The following ELAPOR2 variants were observed in gnomAD, a reference collection of about 807,000 sequenced individuals.
ELAPOR2 encodes the protein endosome/lysosome-associated apoptosis and autophagy regulator family member 2.
A neutral mutation model predicts 120.7 loss-of-function variants in ELAPOR2; 89 were observed. The observed-to-expected ratio is 0.74, with a 90% CI of 0.62 to 0.88. The LOEUF is 0.88. Among genes scored for constraint, ELAPOR2 ranks in the 40% least tolerant of loss-of-function variants. ELAPOR2 has a pLI of 0.00. For missense variants in ELAPOR2, 1,134 were observed against 1,251.6 expected (o/e 0.91, Z 1.42); for synonymous variants, 444 against 444.9 (o/e 1.00, Z 0.03).
At chr7:87,048,226 G>C (rs973124256) in intron 1 of ELAPOR2, among the ~76,000 whole-genome samples, 31 of 150,462 alleles carry the variant, frequency 2.1e-4, no homozygotes, top group Non-Finnish European at 3.7e-4. Context: ...CCTGGCGACA[G>C]AGTGAGACTT....
intron 12 of ELAPOR2, among the ~76,000 whole-genome samples, chr7:86,915,072 G>A (rs1188188569): frequency 6.6e-6 from 1 of 152,032 alleles, no homozygotes; most frequent in Non-Finnish European, 1.5e-5. Context: ...CAACCACATT[G>A]TTCATATAAC....
At chr7:86,951,807 A>G (rs1791259678) in intron 2 of ELAPOR2, among the ~76,000 whole-genome samples, 1 of 152,234 alleles carries the variant, frequency 6.6e-6, no homozygotes, top group Non-Finnish European at 1.5e-5. Flanking sequence ...CATCTGATTT[A>G]GTATATGTTG....
intron 2 of ELAPOR2, among the ~76,000 whole-genome samples, chr7:86,956,929 A>T (rs916174614): frequency 3.9e-5 from 6 of 152,104 alleles, no homozygotes; most frequent in Non-Finnish European, 7.4e-5. Flanking sequence ...TATCATCCTA[A>T]ACTTTTCCTC....
Position 86,891,572 on chromosome 7 carries a change from A to G in ELAPOR2, c.3030+152T>C, listed in dbSNP as rs1788160953. 3 of 583,942 alleles carry G rather than the reference A, an allele frequency of 5.1e-6. No homozygotes were observed. In the South Asian group the frequency reaches 8.1e-5, roughly 16 times the overall value. 36.2% of individuals were successfully genotyped at this position (583,942 alleles called of 1,614,324 possible). On this transcript the variant is annotated intron_variant, in intron 21 of 21. Coordinates refer to ENST00000450689, the MANE Select transcript of ELAPOR2 (RefSeq NM_001142749.3). Reference sequence around the variant, plus strand: ...TGCTGCAGTGAATATTATTGTATCTATATCATGTGCTTCTAAGAGTATTTC... The same window carrying G: ...TGCTGCAGTGAATATTATTGTATCTGTATCATGTGCTTCTAAGAGTATTTC...
At chr7:86,946,811 C>T (rs1791028221) in intron 3 of ELAPOR2, among the ~76,000 whole-genome samples, 1 of 152,180 alleles carries the variant, frequency 6.6e-6, no homozygotes, top group South Asian at 2.1e-4. Context: ...TCAGTATCTC[C>T]TGCCCACCAA....
At chr7:86,960,394 G>A (rs1791656559) in intron 2 of ELAPOR2, among the ~76,000 whole-genome samples, 1 of 152,106 alleles carries the variant, frequency 6.6e-6, no homozygotes, top group African/African-American at 2.4e-5. Context: ...GGGACTACAG[G>A]TGCACGCCAC....
At chr7:86,940,309 C>T (rs190209810) in intron 5 of ELAPOR2, among the ~76,000 whole-genome samples, 194 bp from the exon 6 acceptor site, 94 of 152,132 alleles carry the variant, frequency 6.2e-4, no homozygotes, top group Middle Eastern at 3.4e-3. Context: ...ATGGAGTTTG[C>T]TAATCCACAA....
chr7:86,911,523 G>C (rs947483405), intron 15 of ELAPOR2: 21 of 424,358 alleles, frequency 4.9e-5, no homozygotes, highest in Non-Finnish European at 9.3e-5. Context: ...TAAAATATTG[G>C]GCATCATGGT....
chr7:86,892,918 T>G lies in ELAPOR2; in HGVS notation c.2864+4A>C. Reference sequence around the variant, plus strand: ...CTCTTGTGATCATCTCAGAGGGTACTTACTTTTGATTCTTTTTCCAGAAGT... The same window carrying G: ...CTCTTGTGATCATCTCAGAGGGTACGTACTTTTGATTCTTTTTCCAGAAGT... On this transcript the variant is annotated splice_donor_region_variant and intron_variant, in intron 20 of 21. Coordinates refer to ENST00000450689, the MANE Select transcript of ELAPOR2 (RefSeq NM_001142749.3). The G allele has an allele frequency of 6.5e-7, 1 of 1,531,004 alleles. No homozygotes were observed. The highest frequency in any genetic ancestry group is 8.7e-7 in the Non-Finnish European group (1 of 1,150,754). The allele number at this position is 1,531,004 out of a possible 1,614,324, so 94.8% of individuals were successfully genotyped here.
chr7:87,038,242 T>C (rs1794649495), intron 1 of ELAPOR2, among the ~76,000 whole-genome samples: 1 of 152,244 alleles, frequency 6.6e-6, no homozygotes. Context: ...AGGTATTATG[T>C]ACCAAACATT....
At chr7:86,982,014 A>G (rs1792515838) in intron 1 of ELAPOR2, among the ~76,000 whole-genome samples, 1 of 152,256 alleles carries the variant, frequency 6.6e-6, no homozygotes, top group South Asian at 2.1e-4. Context: ...TATATCCCGC[A>G]TCTGGCTCGG....
chr7:86,885,372 T>C lies in ELAPOR2; in HGVS notation c.3031-4842A>G, dbSNP rs551491320. Among the ~76,000 whole-genome samples, 284 of 152,194 alleles carry C rather than the reference T, an allele frequency of 1.9e-3. 1 individual carries two copies. Among genetic ancestry groups the C allele is most frequent in the Middle Eastern group, 6.8e-3 (2 of 294 alleles). ...TTGCTGTTCAACATAGGCCTTTGGG[T>C]AGACCAAAAACATTGAAAGCATTGG... On this transcript the variant is annotated intron_variant, in intron 21 of 21. Coordinates refer to ENST00000450689, the MANE Select transcript of ELAPOR2 (RefSeq NM_001142749.3).
intron 1 of ELAPOR2, chr7:86,965,945 G>A (rs1355796278): frequency 6.1e-6 from 6 of 985,256 alleles, no homozygotes; most frequent in Non-Finnish European, 7.2e-6. Context: ...GAATGAGAAG[G>A]CCATTGTCTT....
chr7:87,047,130 T>C (rs569585250), intron 1 of ELAPOR2, among the ~76,000 whole-genome samples: 1 of 152,030 alleles, frequency 6.6e-6, no homozygotes, highest in Non-Finnish European at 1.5e-5. Context: ...AAACTAGACA[T>C]CCATATGCAC....
At chr7:87,007,107 T>C (rs1269357236) in intron 1 of ELAPOR2, among the ~76,000 whole-genome samples, 1 of 152,196 alleles carries the variant, frequency 6.6e-6, no homozygotes, top group Non-Finnish European at 1.5e-5. Context: ...TTTTGAGTGA[T>C]AGAAGTACCC....
intron 21 of ELAPOR2, among the ~76,000 whole-genome samples, chr7:86,886,005 C>T (rs547358023): frequency 1.7e-4 from 26 of 152,180 alleles, no homozygotes; most frequent in African/African-American, 6.3e-4. Context: ...ACACAAGTTC[C>T]TTTACCTTCT....
chr7:86,884,976 G>A (rs1335379387), intron 21 of ELAPOR2, among the ~76,000 whole-genome samples: 2 of 152,262 alleles, frequency 1.3e-5, no homozygotes, highest in Non-Finnish European at 2.9e-5. Flanking sequence ...GATTCCCATA[G>A]GAAAACTTAG....
intron 21 of ELAPOR2, among the ~76,000 whole-genome samples, chr7:86,881,503 C>A (rs574976223): frequency 6.6e-6 from 1 of 151,950 alleles, no homozygotes; most frequent in Non-Finnish European, 1.5e-5. Flanking sequence ...ATTATAGACA[C>A]CTGCCACCAC....
intron 1 of ELAPOR2, among the ~76,000 whole-genome samples, chr7:87,023,242 T>C (rs1322185906): frequency 6.6e-6 from 1 of 152,244 alleles, no homozygotes; most frequent in Non-Finnish European, 1.5e-5. Context: ...AACTTTTGTA[T>C]AAGGTGTAAG....
Sources: allele counts gnomAD v4.1 joint callset (sites outside exome capture counted in the v4.1 genomes callset), GRCh38; gene constraint gnomAD v4.1.1; transcripts MANE v1.5; gene names NCBI Gene and HGNC (gene_info 2026-07-23, HGNC 2026-07-21).